The following DNM3 variants were observed in gnomAD, a reference collection of about 807,000 sequenced individuals.
The protein encoded by DNM3 is dynamin 3.
In DNM3, 47 loss-of-function variants were observed where a neutral mutation model predicts 101.6. The ratio of observed to expected loss-of-function variants is 0.46; its 90% CI spans 0.37 to 0.59. The LOEUF is 0.59. DNM3 is among the 20% of genes least tolerant of loss of function. The pLI, the probability that DNM3 is intolerant of heterozygous loss-of-function variation, is 0.00. For missense variants in DNM3, 849 were observed against 1,085.7 expected (o/e 0.78, Z 3.06); for synonymous variants, 385 against 387.9 (o/e 0.99, Z 0.09).
rs140411486 is a variant in DNM3, at chr1:172,241,268, C to T, written c.1660-12305C>T. Among the ~76,000 whole-genome samples, 660 of 72,714 alleles carry T rather than the reference C, an allele frequency of 9.1e-3. 2 individuals are homozygous for T. The highest frequency in any genetic ancestry group is 0.029 in the African/African-American group (620 of 21,626). 47.7% of individuals were successfully genotyped at this position (72,714 alleles called of 152,430 possible). On this transcript the variant is annotated intron_variant, in intron 14 of 20. Coordinates refer to ENST00000627582, the MANE Select transcript of DNM3 (RefSeq NM_015569.5). ...GTGTGTGTGTGTGTGTGTGTGTGCA[C>T]GTGTGTATTTCTTGGTTAGAAGCTC...
At chr1:172,044,536 TTCATC>T in intron 9 of DNM3, 84 bp downstream of exon 9, 1 of 1,175,256 alleles carries the variant, frequency 8.5e-7, no homozygotes, top group Non-Finnish European at 1.2e-6. Context: ...AACTCGTCTT[TTCATC>T]ATTGAATAGG....
At chr1:172,417,845 C>G (rs978201445) in intron 20 of DNM3, among the ~76,000 whole-genome samples, 2 of 152,212 alleles carry the variant, frequency 1.3e-5, no homozygotes, top group Admixed American at 6.5e-5. Flanking sequence ...TCCCTCTCCC[C>G]CTATGGAGAT....
intron 18 of DNM3, among the ~76,000 whole-genome samples, chr1:172,384,304 T>C (rs187653975): frequency 4.4e-4 from 67 of 152,294 alleles, no homozygotes; most frequent in Non-Finnish European, 4.4e-4. Context: ...AGCTGTCTAT[T>C]GTTCTCCTGT....
At chr1:172,381,286 A>C (rs2068889294) in intron 18 of DNM3, among the ~76,000 whole-genome samples, 1 of 152,046 alleles carries the variant, frequency 6.6e-6, no homozygotes. Context: ...CTGATCACCA[A>C]GGTCAAATCT....
At chr1:171,874,701 C>T (rs539621752) in intron 1 of DNM3, among the ~76,000 whole-genome samples, 58 of 152,042 alleles carry the variant, frequency 3.8e-4, no homozygotes, top group African/African-American at 9.9e-4. Context: ...CATATATGCA[C>T]GTTTGTTACA....
chr1:172,026,247 A>G (rs1038372764), intron 4 of DNM3, among the ~76,000 whole-genome samples: 2 of 152,186 alleles, frequency 1.3e-5, no homozygotes, highest in African/African-American at 4.8e-5. Context: ...GCATGAAGAC[A>G]AAATTAGAGA....
At chr1:172,042,809 A>G (rs1034201312) in intron 8 of DNM3, among the ~76,000 whole-genome samples, 6 of 152,170 alleles carry the variant, frequency 3.9e-5, no homozygotes, top group African/African-American at 1.4e-4. Context: ...AAAGCTTTCT[A>G]GGTTGAGGTA....
intron 15 of DNM3, among the ~76,000 whole-genome samples, chr1:172,258,095 T>C (rs546971543): frequency 6.6e-6 from 1 of 152,306 alleles, no homozygotes; most frequent in Admixed American, 6.5e-5. Context: ...TCTATCCATG[T>C]TGCTGCAAAT....
Position 171,882,430 on chromosome 1 carries a change from T to C in DNM3, c.162-39318T>C, listed in dbSNP as rs1455594774. 6.2e-5 allele frequency among the ~76,000 whole-genome samples: 9 copies of C among 145,430 alleles called. No homozygotes were observed. In the East Asian group the frequency reaches 8.0e-4, roughly 13 times the overall value. On this transcript the variant is annotated intron_variant, in intron 1 of 20. Transcript: ENST00000627582. ...CTCGTTTTGTCTCTGTCTCTCTCTA[T>C]ACACACACACACACACACACACACA...
intron 10 of DNM3, among the ~76,000 whole-genome samples, chr1:172,058,872 A>AC (rs1362098084): frequency 1.5e-5 from 1 of 65,720 alleles, no homozygotes; most frequent in Non-Finnish European, 2.8e-5. Flanking sequence ...AAATAGAGAC[A>AC]AAAAAAACCC....
At chr1:171,875,784 C>G (rs1475917502) in intron 1 of DNM3, among the ~76,000 whole-genome samples, 1 of 146,042 alleles carries the variant, frequency 6.8e-6, no homozygotes, top group Non-Finnish European at 1.5e-5. Context: ...AATAAATACC[C>G]CAGCAAGTCT....
At chr1:172,333,053 G>A (rs934258221) in intron 17 of DNM3, among the ~76,000 whole-genome samples, 7 of 152,072 alleles carry the variant, frequency 4.6e-5, no homozygotes, top group African/African-American at 1.7e-4. Context: ...ATTAGAAGAG[G>A]AGAAACCAGC....
At chr1:172,035,043 A>G (rs2048858569) in intron 6 of DNM3, among the ~76,000 whole-genome samples, 1 of 152,118 alleles carries the variant, frequency 6.6e-6, no homozygotes, top group South Asian at 2.1e-4. Context: ...ATGAGAAATT[A>G]TGGGAATTTG....
chr1:171,906,955 A>C (rs1011371052), intron 1 of DNM3, among the ~76,000 whole-genome samples: 1 of 152,204 alleles, frequency 6.6e-6, no homozygotes, highest in South Asian at 2.1e-4. Context: ...TTTGAACCCA[A>C]GTCTTTTTGG....
chr1:172,415,692 G>T (rs1251546750), downstream of DNM3, among the ~76,000 whole-genome samples: 1 of 151,920 alleles, frequency 6.6e-6, no homozygotes, highest in Non-Finnish European at 1.5e-5. Context: ...ACCATGCCTG[G>T]CTAATTTTTG....
At chr1:172,183,972 A>G (rs546822160) in intron 14 of DNM3, among the ~76,000 whole-genome samples, 2 of 151,724 alleles carry the variant, frequency 1.3e-5, no homozygotes, top group South Asian at 4.2e-4. Context: ...TAGTACTCAA[A>G]ACAACAGCAA....
At chr1:171,904,510 T>C (rs2038647243) in intron 1 of DNM3, among the ~76,000 whole-genome samples, 1 of 152,098 alleles carries the variant, frequency 6.6e-6, no homozygotes, top group Non-Finnish European at 1.5e-5. Context: ...GCTTTTAGGA[T>C]CATCCTGCAC....
chr1:172,371,890 T>TATTTA, intron 17 of DNM3, among the ~76,000 whole-genome samples: 1 of 147,802 alleles, frequency 6.8e-6, no homozygotes, highest in African/African-American at 2.5e-5. Context: ...TTTTTTACTT[T>TATTTA]TTTATTTATT....
Position 172,407,166 on chromosome 1 carries a change from A to T in DNM3, c.2523-606A>T, listed in dbSNP as rs944275437. On this transcript the variant is annotated intron_variant, in intron 20 of 20. Transcript: ENST00000627582. ...GTAATACTACTAATACCAATACTAA[A>T]GTCTTTAAGACCCAAAATAGGAACT... Among the ~76,000 whole-genome samples the T allele has an allele frequency of 7.9e-5, 12 of 151,732 alleles. No homozygotes were observed. In the South Asian group the frequency reaches 2.5e-3, roughly 32 times the overall value.
Sources: gnomAD v4.1 joint callset for allele counts (sites outside exome capture counted in the v4.1 genomes callset) on GRCh38, gnomAD v4.1.1 for gene constraint, MANE v1.5 for transcripts, NCBI Gene and HGNC (gene_info 2026-07-23, HGNC 2026-07-21) for gene names.